SIK2: variants seen among roughly 807,000 people sequenced by gnomAD.
SIK2 encodes the protein salt inducible kinase 2.
In SIK2, 29 loss-of-function variants were observed where a neutral mutation model predicts 103.2. The observed-to-expected ratio is 0.28, with a 90% CI of 0.21 to 0.38. SIK2 has a LOEUF of 0.38. Ranked by LOEUF, SIK2 falls within the 10% of genes least tolerant of loss-of-function variation. SIK2 has a pLI of 1.00. For missense variants in SIK2, 879 were observed against 1,171.0 expected (o/e 0.75, Z 3.64); for synonymous variants, 412 against 446.1 (o/e 0.92, Z 0.96).
chr11:111,635,606 T>C (rs1942099921), intron 3 of SIK2, among the ~76,000 whole-genome samples: 1 of 152,234 alleles, frequency 6.6e-6, no homozygotes, highest in Admixed American at 6.5e-5. Context: ...TTTTTCAACA[T>C]GGATTTGAAG....
chr11:111,615,402 GATA>G (rs1941792211), intron 1 of SIK2, among the ~76,000 whole-genome samples: 1 of 151,622 alleles, frequency 6.6e-6, no homozygotes, highest in Non-Finnish European at 1.5e-5. Context: ...TTTCAAAACT[GATA>G]ATTAAATTGG....
At position 111,688,182 on chromosome 11, in the gene SIK2, C is replaced by T; in HGVS notation, c.478+20C>T. On this transcript the variant is annotated intron_variant, in intron 4 of 14. Coordinates refer to ENST00000304987, the MANE Select transcript of SIK2 (RefSeq NM_015191.3). The surrounding 1 kb of genome is among the most constrained non-coding windows in gnomAD (Gnocchi z 4.2). ...TAGCAGGTAACTGGGACACAACTGG[C>T]TCTAATAAGATCCGAAGTGAGCCAC... 2 of 1,613,656 alleles carry T rather than the reference C, an allele frequency of 1.2e-6. No individual in the cohort carries two copies. Among genetic ancestry groups the T allele is most frequent in the South Asian group, 1.1e-5 (1 of 91,028 alleles).
intron 1 of SIK2, among the ~76,000 whole-genome samples, chr11:111,614,209 G>GGAT (rs1204846553): frequency 1.3e-5 from 2 of 151,814 alleles, no homozygotes; most frequent in Non-Finnish European, 2.9e-5. Context: ...AGTCTCCCAG[G>GGAT]TCAACCTGGG....
At chr11:111,625,409 C>T (rs898147455) in intron 3 of SIK2, among the ~76,000 whole-genome samples, 3 of 151,906 alleles carry the variant, frequency 2.0e-5, no homozygotes, top group African/African-American at 4.8e-5. Flanking sequence ...TAGGACTTCT[C>T]GACAGGTGGA....
chr11:111,710,018 A>G (rs1317520180), intron 8 of SIK2, among the ~76,000 whole-genome samples: 2 of 152,266 alleles, frequency 1.3e-5, no homozygotes, highest in East Asian at 3.8e-4. Context: ...CGTTGCCCTA[A>G]TAATTCAGAC....
chr11:111,626,514 C>T (rs1941962752), intron 3 of SIK2, among the ~76,000 whole-genome samples: 1 of 151,764 alleles, frequency 6.6e-6, no homozygotes, highest in Admixed American at 6.6e-5. Context: ...CTAAGTATTT[C>T]TCTAGGAGGT....
At chr11:111,665,406 A>G (rs1021539133) in intron 3 of SIK2, among the ~76,000 whole-genome samples, 14 of 152,120 alleles carry the variant, frequency 9.2e-5, no homozygotes, top group African/African-American at 3.1e-4. Context: ...AGAGACAGCG[A>G]AACCCTGTCT....
rs1042530570 is a variant in SIK2 at position 111,729,817 on chromosome 11, C to G, written c.*5688C>G. The G allele has an allele frequency of 6.6e-6, 1 of 152,272 alleles. No homozygotes were observed. Among genetic ancestry groups the G allele is most frequent in the Non-Finnish European group, 1.5e-5 (1 of 68,064 alleles). The allele number at this position is 152,272 out of a possible 1,614,324, so 9.4% of individuals were successfully genotyped here. A position where few individuals can be genotyped will look rare whatever the true frequency, so the allele number is the denominator to read the frequency against. ...CCAGGTGGCCGTGCACTGAACCAGGCTGAGGGAGACAAAAACCCCGCAGAC... is the reference window on the plus strand; with the variant it reads ...CCAGGTGGCCGTGCACTGAACCAGGGTGAGGGAGACAAAAACCCCGCAGAC... On this transcript the variant is annotated 3_prime_UTR_variant, in exon 15 of 15. Coordinates refer to ENST00000304987, the MANE Select transcript of SIK2 (RefSeq NM_015191.3).
chr11:111,613,070 T>C (rs956686201), intron 1 of SIK2, among the ~76,000 whole-genome samples: 5 of 151,728 alleles, frequency 3.3e-5, no homozygotes, highest in African/African-American at 7.3e-5. Flanking sequence ...TTTATTAAAA[T>C]TTAATTAGAT....
intron 3 of SIK2, among the ~76,000 whole-genome samples, chr11:111,637,238 A>G (rs905951982): frequency 6.6e-6 from 1 of 151,680 alleles, no homozygotes; most frequent in African/African-American, 2.4e-5. Flanking sequence ...TTTAATATCT[A>G]TGAGTTTATT....
At chr11:111,674,269 C>A (rs1565347121) in intron 3 of SIK2, among the ~76,000 whole-genome samples, 1 of 152,020 alleles carries the variant, frequency 6.6e-6, no homozygotes, top group Non-Finnish European at 1.5e-5. Context: ...ACAACTAACC[C>A]CTCTGTCTCT....
At position 111,716,410 on chromosome 11, in the gene SIK2, C is replaced by G. The variant is rs370136554; in HGVS notation, c.1267-3365C>G. On this transcript the variant is annotated intron_variant, in intron 9 of 14. Transcript: ENST00000304987. ...TGGCCAACATGGCAAAACCCCAACTCTACTAAAAATACAAAAATTAGCCAG... is the reference window on the plus strand; with the variant it reads ...TGGCCAACATGGCAAAACCCCAACTGTACTAAAAATACAAAAATTAGCCAG... Among the ~76,000 whole-genome samples, 17 of 139,926 alleles carry G rather than the reference C, an allele frequency of 1.2e-4. 1 individual carries two copies. Among genetic ancestry groups the G allele is most frequent in the African/African-American group, 3.9e-4 (15 of 38,816 alleles). 91.8% of individuals were successfully genotyped at this position (139,926 alleles called of 152,430 possible).
At chr11:111,622,496 C>T (rs774662905) in intron 3 of SIK2, among the ~76,000 whole-genome samples, 8 of 151,938 alleles carry the variant, frequency 5.3e-5, no homozygotes, top group African/African-American at 1.7e-4. Flanking sequence ...CATCGTGATC[C>T]GCCCGCCTCA....
Position 111,630,404 on chromosome 11 carries a change from A to G in SIK2, c.316+10002A>G, listed in dbSNP as rs184570802. 3.9e-3 allele frequency among the ~76,000 whole-genome samples: 601 copies of G among 152,282 alleles called. 12 individuals carry two copies. The highest frequency in any genetic ancestry group is 8.1e-4 in the Non-Finnish European group (55 of 68,008). ...TTTATTTTTGTTTTGAATGGTGGTT[A>G]TACAGAATATACAATTACCTCATAT... is the stretch of plus-strand genomic sequence containing the variant. On this transcript the variant is annotated intron_variant, in intron 3 of 14. Transcript: ENST00000304987.
At chr11:111,713,156 C>T (rs538726713) in intron 9 of SIK2, among the ~76,000 whole-genome samples, 1 of 151,784 alleles carries the variant, frequency 6.6e-6, no homozygotes, top group Non-Finnish European at 1.5e-5. Flanking sequence ...CAGAGTGAGA[C>T]TCCATCTCAA....
chr11:111,685,882 T>C (rs1942839361), intron 3 of SIK2, among the ~76,000 whole-genome samples: 2 of 151,824 alleles, frequency 1.3e-5, no homozygotes, highest in Admixed American at 6.6e-5. Context: ...AATAAAAGGA[T>C]GGTTAGGATT....
intron 4 of SIK2, among the ~76,000 whole-genome samples, chr11:111,690,015 G>A (rs571134373): frequency 1.3e-5 from 2 of 151,368 alleles, no homozygotes; most frequent in South Asian, 4.2e-4. Context: ...ACATATACAC[G>A]TATATATAAA....
chr11:111,719,865 G>A lies in SIK2; in HGVS notation c.1357G>A (p.Asp453Asn). 6.2e-7 allele frequency: 1 copy of A among 1,614,138 alleles called. No homozygotes were observed. The change falls in exon 10 of 15, where the codon GAC becomes AAC. Residue 453 changes from aspartate (D) to asparagine (N), a missense_variant. Transcript: ENST00000304987. ...CAGCAACATGATGGAGACCTCCATT[G>A]ACGAAGGGCTGGAGACAGAAGGAGA... ...LPSNMMETSI[D>N]EGLETEGEAE...
At chr11:111,618,922 G>A (rs1338838752) in intron 2 of SIK2, among the ~76,000 whole-genome samples, 3 of 151,930 alleles carry the variant, frequency 2.0e-5, no homozygotes, top group Non-Finnish European at 4.4e-5. Flanking sequence ...TTTTTGCAGA[G>A]ACAGGATCTC....
Sources: gnomAD v4.1 joint callset for allele counts (sites outside exome capture counted in the v4.1 genomes callset) on GRCh38, gnomAD v4.1.1 for gene constraint, Gnocchi (gnomAD v3.1) non-coding constraint, MANE v1.5 for transcripts, NCBI Gene and HGNC (gene_info 2026-07-23, HGNC 2026-07-21) for gene names.